GSN: variants seen among roughly 807,000 people sequenced by gnomAD.
GSN encodes actin-depolymerizing factor.
In GSN, 56 loss-of-function variants were observed where a neutral mutation model predicts 85.7. The ratio of observed to expected loss-of-function variants is 0.65; its 90% CI spans 0.53 to 0.82. The LOEUF is 0.82. Among genes scored for constraint, GSN ranks in the 40% least tolerant of loss-of-function variants. GSN has a pLI of 0.00. For missense variants in GSN, 857 were observed against 979.8 expected, an observed-to-expected ratio of 0.87 and a Z score of 1.67; for synonymous variants, 373 against 399.1, an observed-to-expected ratio of 0.93 and a Z score of 0.78.
chr9:121,280,332 C>T (rs1359148796), intron 1 of GSN: 1 of 152,238 alleles, frequency 6.6e-6, no homozygotes, highest in Admixed American at 6.5e-5. Flanking sequence ...GTCCTTCATC[C>T]ACTCATCTAG....
intron 4 of GSN, among the ~76,000 whole-genome samples, chr9:121,306,515 G>A (rs930369674): frequency 2.3e-5 from 3 of 128,152 alleles, no homozygotes; most frequent in Admixed American, 8.2e-5. Context: ...ATATATAGTG[G>A]CTAATTTCTT....
intron 4 of GSN, among the ~76,000 whole-genome samples, chr9:121,215,555 G>A (rs2054047624): frequency 6.6e-6 from 1 of 152,024 alleles, no homozygotes; most frequent in African/African-American, 2.4e-5. Context: ...TTAGCCAGGT[G>A]TGGCGGCGAG....
rs753766003 is a variant in GSN at position 121,302,114 on chromosome 9, A to G, written c.143A>G (p.Lys48Arg). The change falls in exon 3 of 18, where the codon AAG becomes AGG. Residue 48 changes from lysine to arginine, a missense_variant. Physicochemically the swap from Lys to Arg is conservative, Grantham distance 26. Transcript: ENST00000432226. ...FFTGDAYVIL[K>R]TVQLRNGNLQ... ...ACGGGCGACGCCTACGTCATCCTGA[A>G]GACAGTGCAGCTGAGGAACGGAAAT... 3 of 1,614,234 alleles carry G rather than the reference A, an allele frequency of 1.9e-6. No individual in the cohort carries two copies. The highest frequency in any genetic ancestry group is 2.5e-6 in the Non-Finnish European group (3 of 1,180,032).
Position 121,329,607 on chromosome 9 carries a change from G to A in GSN, c.1965+292G>A, listed in dbSNP as rs548108081. 7.2e-5 allele frequency among the ~76,000 whole-genome samples: 11 copies of A among 152,268 alleles called. No individual in the cohort carries two copies. The highest frequency in any genetic ancestry group is 5.2e-4 in the Admixed American group (8 of 15,298). On this transcript the variant is annotated intron_variant, in intron 16 of 17. Coordinates refer to ENST00000432226, the MANE Select transcript of GSN (RefSeq NM_198252.3). The surrounding 1 kb of genome is among the most constrained non-coding windows in gnomAD (Gnocchi z 4.6). The stretch of plus-strand genomic sequence containing the variant: ...ATTCTCTCCCAGACCTTGCAGGAGC[G>A]TGAACTCTTCCTTTAAATCTGTTGG...
chr9:121,271,696 C>G (rs961932054), intron 1 of GSN, among the ~76,000 whole-genome samples: 1 of 152,172 alleles, frequency 6.6e-6, no homozygotes, highest in Non-Finnish European at 1.5e-5. Flanking sequence ...GCTTGGAGAG[C>G]TCAGCCCTGC....
At chr9:121,257,036 C>T (rs1294480002) in intron 6 of GSN, among the ~76,000 whole-genome samples, 23 of 151,894 alleles carry the variant, frequency 1.5e-4, no homozygotes, top group Admixed American at 1.5e-3. Flanking sequence ...ATGTTTGAGG[C>T]AATAGAGATC....
chr9:121,294,329 T>G (rs1477863520), intron 2 of GSN, among the ~76,000 whole-genome samples: 1 of 152,130 alleles, frequency 6.6e-6, no homozygotes, highest in Non-Finnish European at 1.5e-5. Flanking sequence ...GGACAGTTAT[T>G]TGCAGCCCTG....
In GSN at chr9:121,312,448, A is replaced by G; in HGVS notation, c.623A>G (p.His208Arg). 6.2e-7 allele frequency: 1 copy of G among 1,614,058 alleles called. No individual in the cohort carries two copies. The change falls in exon 6 of 18, where the codon CAC becomes CGC. Residue 208 changes from histidine (H) to arginine (R), a missense_variant. Transcript: ENST00000432226. ...DNERSGRARV[H>R]VSEEGTEPEA... ...GAGCGGAGTGGCCGGGCCCGAGTGC[A>G]CGTGTCTGAGGAGGGCACTGAGCCC...
intron 4 of GSN, among the ~76,000 whole-genome samples, chr9:121,305,957 G>C (rs1192532517): frequency 6.6e-6 from 1 of 152,208 alleles, no homozygotes; most frequent in African/African-American, 2.4e-5. Flanking sequence ...AGTGTGAGAA[G>C]GGGCAGGGAG....
At chr9:121,269,077 C>G (rs1478205783) in intron 1 of GSN, among the ~76,000 whole-genome samples, 1 of 152,222 alleles carries the variant, frequency 6.6e-6, no homozygotes, top group Non-Finnish European at 1.5e-5. Flanking sequence ...CTCCTCAGAG[C>G]ATGGAAGGGA....
intron 4 of GSN, among the ~76,000 whole-genome samples, chr9:121,228,948 A>G (rs1323291109): frequency 6.6e-6 from 1 of 152,150 alleles, no homozygotes; most frequent in African/African-American, 2.4e-5. Flanking sequence ...TTCGCTTCTA[A>G]TATCTTTAGC....
At position 121,257,799 on chromosome 9, in the gene GSN, A is replaced by T. The variant is rs544220702; in HGVS notation, c.-340-7355A>T. Among the ~76,000 whole-genome samples, 3 of 152,320 alleles carry T rather than the reference A, an allele frequency of 2.0e-5. No individual in the cohort carries two copies. The South Asian group carries it at 6.2e-4, about 32-fold the overall frequency. ...GGCAGGAGAATCACTTGAACCTGGGATGTGGAAGTTGCAGTGAGCCAAGAT... is the reference window on the plus strand; with the variant it reads ...GGCAGGAGAATCACTTGAACCTGGGTTGTGGAAGTTGCAGTGAGCCAAGAT... On this transcript the variant is annotated intron_variant, in intron 6 of 24. Coordinates refer to the GSN transcript ENST00000373823.
chr9:121,316,982 C>T, intron 7 of GSN, 104 bp from the exon 8 acceptor site: 1 of 1,460,908 alleles, frequency 6.8e-7, no homozygotes, highest in Non-Finnish European at 9.5e-7. Context: ...AGGTGTTACT[C>T]TACAGGGCCA....
intron 16 of GSN, among the ~76,000 whole-genome samples, chr9:121,330,614 C>A (rs1017397454): frequency 6.6e-6 from 1 of 152,138 alleles, no homozygotes; most frequent in Middle Eastern, 3.2e-3. Context: ...ATTTTATTGT[C>A]TAATGCCATT....
In GSN at chr9:121,329,226, G is replaced by T. The variant is rs779687220; in HGVS notation, c.1888-12G>T. ...GAAGACATCTCACTGATGCTCTTTC[G>T]TTCCTTCCCAGATCGAAGAGGTTCC... On this transcript the variant is annotated splice_polypyrimidine_tract_variant and intron_variant, in intron 15 of 17. Coordinates refer to ENST00000432226, the MANE Select transcript of GSN (RefSeq NM_198252.3). This position sits in a 1 kb window ranked among gnomAD's most constrained non-coding sequence, Gnocchi z 4.6. 6.2e-6 allele frequency: 10 copies of T among 1,600,562 alleles called. No individual in the cohort carries two copies. Among genetic ancestry groups the T allele is most frequent in the Middle Eastern group, 1.7e-4 (1 of 6,056 alleles).
intron 5 of GSN, 189 bp from the exon 6 acceptor site, chr9:121,312,150 C>A: frequency 1.6e-6 from 1 of 611,382 alleles, no homozygotes; most frequent in Non-Finnish European, 2.9e-6. Context: ...GCGCTCCCAT[C>A]TCCTGGTGTG....
In GSN at chr9:121,318,776, A is replaced by G. The variant is rs1415084790; in HGVS notation, c.1087A>G (p.Ile363Val). 6.2e-7 allele frequency: 1 copy of G among 1,613,980 alleles called. No individual in the cohort carries two copies. Among genetic ancestry groups the G allele is most frequent in the Non-Finnish European group, 8.5e-7 (1 of 1,180,010 alleles). ...GGGCTTGTCCTACCTTTCCAGCCATATCGCCAACGTGGAGCGGGTGCCCTT... is the reference window on the plus strand; with the variant it reads ...GGGCTTGTCCTACCTTTCCAGCCATGTCGCCAACGTGGAGCGGGTGCCCTT... ...GLGLSYLSSH[I>V]ANVERVPFDA... The change falls in exon 10 of 18, where the codon ATC becomes GTC. Residue 363 changes from isoleucine (I) to valine (V), a missense_variant. By Grantham distance (29) the Ile-to-Val change is conservative (BLOSUM62 3). Transcript: ENST00000432226. This position sits in a 1 kb window ranked among gnomAD's most constrained non-coding sequence, Gnocchi z 4.3.
chr9:121,274,253 C>T (rs927167962), intron 1 of GSN, among the ~76,000 whole-genome samples: 2 of 151,464 alleles, frequency 1.3e-5, no homozygotes, highest in African/African-American at 4.8e-5. Context: ...TTGCCTCCTA[C>T]TTTTTTTTTG....
chr9:121,304,377 G>C (rs988082119), intron 4 of GSN, among the ~76,000 whole-genome samples: 4 of 152,254 alleles, frequency 2.6e-5, no homozygotes, highest in African/African-American at 9.6e-5. Context: ...CTGGGGCCTT[G>C]ATACCTTGCA....
Sources: gnomAD v4.1 joint callset for allele counts (sites outside exome capture counted in the v4.1 genomes callset) on GRCh38, gnomAD v4.1.1 for gene constraint, Gnocchi (gnomAD v3.1) non-coding constraint, MANE v1.5 for transcripts, NCBI Gene and HGNC (gene_info 2026-07-23, HGNC 2026-07-21) for gene names.